Variants in SGCD observed in about 807,000 individuals in gnomAD.
The protein encoded by SGCD is delta-sarcoglycan.
A neutral mutation model predicts 36.6 loss-of-function variants in SGCD; 18 were observed. The ratio of observed to expected loss-of-function variants is 0.49; its 90% confidence interval spans 0.34 to 0.73. The LOEUF is 0.73. Among genes scored for constraint, SGCD ranks in the 30% least tolerant of loss-of-function variants. The probability of loss-of-function intolerance (pLI) is 0.01; values close to 1 mark genes in which losing one functional copy is unlikely to be tolerated. For synonymous variants in SGCD, 133 were observed against 130.6 expected, an observed-to-expected ratio of 1.02 and a Z score of -0.12; for missense variants, 387 against 346.7, an observed-to-expected ratio of 1.12 and a Z score of -0.92.
intron 7 of SGCD, among the ~76,000 whole-genome samples, chr5:156,701,519 T>C (rs1006825560): frequency 2.0e-5 from 3 of 152,166 alleles, no homozygotes; most frequent in Non-Finnish European, 4.4e-5. Flanking sequence ...AAGTCAGATC[T>C]TATCAGTTCC....
rs1438271002 is a variant in SGCD at position 156,662,608 on chromosome 5, C to CTTTTT, written c.575+15073_575+15074insTTTTT. On this transcript the variant is annotated intron_variant, in intron 7 of 8. Transcript: ENST00000337851. ...AAGGCAAATTTTTCACAATCCTGCT[C>CTTTTT]TGCCAGAGGGATGGTAAAAAAGCAA... Among the ~76,000 whole-genome samples, 176 of 145,738 alleles carry CTTTTT rather than the reference C, an allele frequency of 1.2e-3. 1 individual carries two copies. The highest frequency in any genetic ancestry group is 3.2e-3 in the Admixed American group (47 of 14,746).
chr5:156,143,903 A>ACAGACCC (rs1238550835), intron 3 of SGCD, among the ~76,000 whole-genome samples: 3 of 108,496 alleles, frequency 2.8e-5, no homozygotes, highest in African/African-American at 3.7e-5. Flanking sequence ...CCACCCCAAA[A>ACAGACCC]CAGACCCCGG....
At chr5:155,738,072 C>A in the SGCD span, among the ~76,000 whole-genome samples, 1 of 152,056 alleles carries the variant, frequency 6.6e-6, no homozygotes, top group Non-Finnish European at 1.5e-5. Flanking sequence ...CTCTCTGGAC[C>A]ACTTCTCCTT....
intron 1 of SGCD, among the ~76,000 whole-genome samples, chr5:156,011,502 G>A (rs1255015467): frequency 6.6e-6 from 1 of 151,560 alleles, no homozygotes; most frequent in African/African-American, 2.4e-5. Flanking sequence ...GGGCAGTGTC[G>A]TGATCTTGGC....
chr5:156,354,533 C>T (rs1360023301), intron 3 of SGCD, among the ~76,000 whole-genome samples: 5 of 152,174 alleles, frequency 3.3e-5, no homozygotes, highest in Non-Finnish European at 7.3e-5. Flanking sequence ...ATATTCGTGA[C>T]CTTTTCCACT....
intron 3 of SGCD, among the ~76,000 whole-genome samples, chr5:156,265,089 A>G (rs1765965320): frequency 6.6e-6 from 1 of 152,166 alleles, no homozygotes; most frequent in South Asian, 2.1e-4. Context: ...AGTCTTGCCT[A>G]ATATTCCTTT....
At chr5:156,432,511 C>A (rs1753068739) in intron 3 of SGCD, among the ~76,000 whole-genome samples, 1 of 152,066 alleles carries the variant, frequency 6.6e-6, no homozygotes, top group Non-Finnish European at 1.5e-5. Flanking sequence ...TTGGGCGGGG[C>A]CATAAAGCTC....
chr5:156,161,999 C>T (rs1216784653), intron 3 of SGCD, among the ~76,000 whole-genome samples: 1 of 150,858 alleles, frequency 6.6e-6, no homozygotes, highest in Non-Finnish European at 1.5e-5. Context: ...TCCCCCCACT[C>T]ATATTCCTTT....
intron 3 of SGCD, among the ~76,000 whole-genome samples, chr5:156,453,668 A>C (rs994255537): frequency 1.3e-5 from 2 of 152,200 alleles, no homozygotes; most frequent in African/African-American, 4.8e-5. Context: ...TAAATATACA[A>C]TACACAGGAC....
intron 6 of SGCD, among the ~76,000 whole-genome samples, chr5:156,612,883 A>G (rs905094258): frequency 1.3e-5 from 2 of 152,222 alleles, no homozygotes; most frequent in Non-Finnish European, 2.9e-5. Flanking sequence ...TGCATGACTC[A>G]ACTCCCCAAA....
At chr5:156,347,254 G>C (rs1186279045) in intron 3 of SGCD, among the ~76,000 whole-genome samples, 1 of 152,086 alleles carries the variant, frequency 6.6e-6, no homozygotes, top group Non-Finnish European at 1.5e-5. Context: ...GGATGCCTTG[G>C]GTCCATTTGG....
chr5:156,175,890 C>T (rs908737131), intron 3 of SGCD, among the ~76,000 whole-genome samples: 59 of 151,776 alleles, frequency 3.9e-4, no homozygotes, highest in East Asian at 3.9e-4. Context: ...TTTATGATCA[C>T]CTCAGGTGGA....
intron 3 of SGCD, among the ~76,000 whole-genome samples, chr5:156,247,545 C>T (rs1765468955): frequency 6.6e-6 from 1 of 151,866 alleles, no homozygotes; most frequent in South Asian, 2.1e-4. Flanking sequence ...TTTAGTGATG[C>T]TAGAAATAAG....
At chr5:156,056,460 C>T (rs1416361586) in intron 1 of SGCD, among the ~76,000 whole-genome samples, 1 of 144,060 alleles carries the variant, frequency 6.9e-6, no homozygotes, top group East Asian at 1.9e-4. Context: ...AGATATTTTT[C>T]AGACCCCGAA....
In SGCD at chr5:156,167,407, A is replaced by C. The variant is rs932931664; in HGVS notation, c.-44+43388A>C. 2.6e-5 allele frequency among the ~76,000 whole-genome samples: 4 copies of C among 152,092 alleles called. No homozygotes were observed. In the East Asian group the frequency reaches 7.7e-4, roughly 29 times the overall value. On this transcript the variant is annotated intron_variant, in intron 3 of 9. Transcript: ENST00000517913. ...CCCCAGTGTATCTCCTAGTACCTCC[A>C]ACATGGCCTTGTATAACACATGGTA...
intron 3 of SGCD, among the ~76,000 whole-genome samples, chr5:156,366,115 A>G (rs975292121): frequency 6.6e-6 from 1 of 152,236 alleles, no homozygotes; most frequent in African/African-American, 2.4e-5. Context: ...GAGACCATTC[A>G]GTCAGTGCCC....
intron 3 of SGCD, among the ~76,000 whole-genome samples, chr5:156,349,046 C>T (rs186006631): frequency 9.7e-4 from 148 of 151,964 alleles, no homozygotes; most frequent in Middle Eastern, 3.4e-3. Context: ...GATAGCTACA[C>T]GAAGAATAAT....
chr5:155,955,794 C>T (rs576677026), intron 1 of SGCD, among the ~76,000 whole-genome samples: 17 of 152,140 alleles, frequency 1.1e-4, no homozygotes, highest in South Asian at 1.0e-3. Context: ...AACAAAGATA[C>T]GTCAACTAAT....
At chr5:156,635,124 T>A (rs1336984326) in intron 6 of SGCD, among the ~76,000 whole-genome samples, 1 of 152,106 alleles carries the variant, frequency 6.6e-6, no homozygotes, top group Non-Finnish European at 1.5e-5. Context: ...CTCAAGAGGC[T>A]GAGGTGGGAG....
Sources: allele counts gnomAD v4.1 joint callset (sites outside exome capture counted in the v4.1 genomes callset), GRCh38; gene constraint gnomAD v4.1.1; transcripts MANE v1.5; gene names NCBI Gene and HGNC (gene_info 2026-07-23, HGNC 2026-07-21).